Variants in BSN observed in about 807,000 individuals in gnomAD.
BSN encodes the protein bassoon presynaptic cytomatrix protein.
In BSN, 57 loss-of-function variants were observed where a neutral mutation model predicts 264.8. The observed-to-expected ratio is 0.22, with a 90% CI of 0.17 to 0.27. The LOEUF (loss-of-function observed/expected upper bound fraction) is 0.27, where lower values mean the gene tolerates loss of function less well. Among genes scored for constraint, BSN ranks in the 10% least tolerant of loss-of-function variants. The pLI is 1.00. For synonymous variants in BSN, 2,059 were observed against 2,137.3 expected (o/e 0.96, Z 1.01); for missense variants, 4,615 against 5,232.5 (o/e 0.88, Z 3.64).
chr3:49,656,567 A>G lies in BSN; in HGVS notation c.7011A>G (p.Pro2337=). 6.3e-7 allele frequency: 1 copy of G among 1,577,648 alleles called. No individual in the cohort carries two copies. The highest frequency in any genetic ancestry group is 8.6e-7 in the Non-Finnish European group (1 of 1,162,096). The change falls in exon 5 of 12, where the codon CCA becomes CCG. Residue 2337 remains proline, a synonymous_variant. Transcript: ENST00000296452. ...CCCCACTAGCTGGCCAGAAGCCACCAGCAGATGCTGCTCCTGGGGGTGGCA... is the reference window on the plus strand; with the variant it reads ...CCCCACTAGCTGGCCAGAAGCCACCGGCAGATGCTGCTCCTGGGGGTGGCA... The part of the protein sequence containing the change: ...APAPLAGQKP[P]ADAAPGGGSG...
At chr3:49,650,487 G>T in intron 3 of BSN, 125 bp from the exon 4 acceptor site, 1 of 904,322 alleles carries the variant, frequency 1.1e-6, no homozygotes, top group African/African-American at 1.7e-5. Context: ...TTCTCCTTAT[G>T]TCTTTGGTGT....
intron 1 of BSN, among the ~76,000 whole-genome samples, chr3:49,556,782 T>A (rs2051675941): frequency 6.6e-6 from 1 of 152,246 alleles, no homozygotes; most frequent in Non-Finnish European, 1.5e-5. Context: ...TGTTCTAAGA[T>A]GCTGCTGAAC....
At chr3:49,604,781 C>T (rs1438073081) in intron 1 of BSN, among the ~76,000 whole-genome samples, 1 of 151,976 alleles carries the variant, frequency 6.6e-6, no homozygotes, top group Non-Finnish European at 1.5e-5. Flanking sequence ...TCCCATTTCC[C>T]AGGCCTCCCA....
chr3:49,588,749 T>G (rs6787417), intron 1 of BSN, among the ~76,000 whole-genome samples: 73,744 of 152,010 alleles, frequency 0.49, 19,803 homozygotes, highest in East Asian at 0.93. Context: ...AATTTATTTC[T>G]GTTATTGATT....
rs1296576447 is a variant in BSN at position 49,587,922 on chromosome 3, CTTTTCT to C, written c.224+33101_224+33106del. ...CTTTTCTTTTCTTTTCTTTTCTTTT[CTTTTCT>C]TTTTTTTTTTGAGACAAGAGTCTCG... On this transcript the variant is annotated intron_variant, in intron 1 of 11. Coordinates refer to ENST00000296452, the MANE Select transcript of BSN (RefSeq NM_003458.4). Among the ~76,000 whole-genome samples, 108 of 143,876 alleles carry C rather than the reference CTTTTCT, an allele frequency of 7.5e-4. 1 individual carries two copies. Among genetic ancestry groups the C allele is most frequent in the African/African-American group, 2.8e-3 (100 of 36,014 alleles). The allele number at this position is 143,876 out of a possible 152,430, so 94.4% of individuals were successfully genotyped here.
At chr3:49,672,016 T>G (rs1174222238), downstream of BSN, among the ~76,000 whole-genome samples, 1 of 148,254 alleles carries the variant, frequency 6.7e-6, no homozygotes, top group East Asian at 2.0e-4. Flanking sequence ...TCACCCAGAG[T>G]TGCTAGACCT....
chr3:49,644,109 C>T (rs1468050967), intron 3 of BSN, among the ~76,000 whole-genome samples: 1 of 152,184 alleles, frequency 6.6e-6, no homozygotes, highest in Admixed American at 6.5e-5. Context: ...TTGGGCGTAG[C>T]TTGGTGTGTC....
rs1349603383 is a variant in BSN, at chr3:49,668,696, G to A, written c.*1211G>A. On this transcript the variant is annotated 3_prime_UTR_variant, in exon 12 of 12. Coordinates refer to ENST00000296452, the MANE Select transcript of BSN (RefSeq NM_003458.4). ...AGCAGAGGGGCCAGGACTTCTGCCA[G>A]CCAAGGGAAAGGCCCAGAGCCCTGT... 2 of 152,662 alleles carry A rather than the reference G, an allele frequency of 1.3e-5. No homozygotes were observed. The highest frequency in any genetic ancestry group is 2.9e-5 in the Non-Finnish European group (2 of 68,066). 9.5% of individuals were successfully genotyped at this position (152,662 alleles called of 1,614,324 possible). A position where few individuals can be genotyped will look rare whatever the true frequency, so the allele number is the denominator to read the frequency against.
chr3:49,644,542 C>A (rs2052491644), intron 3 of BSN, among the ~76,000 whole-genome samples: 1 of 152,218 alleles, frequency 6.6e-6, no homozygotes, highest in Non-Finnish European at 1.5e-5. Context: ...GAAGCCAACT[C>A]TCCAAGCTCT....
chr3:49,630,243 G>A (rs190052820), intron 2 of BSN, among the ~76,000 whole-genome samples: 30 of 152,342 alleles, frequency 2.0e-4, no homozygotes, highest in Non-Finnish European at 4.1e-4. Flanking sequence ...ACTGAGGGGA[G>A]GTAAAGGTGT....
chr3:49,586,246 A>G (rs146434662), intron 1 of BSN, among the ~76,000 whole-genome samples: 3 of 152,206 alleles, frequency 2.0e-5, no homozygotes, highest in African/African-American at 7.2e-5. Context: ...TCCTTAATCC[A>G]TTTTGATTTT....
Position 49,651,704 on chromosome 3 carries a change from A to G in BSN, c.2148A>G (p.Pro716=), listed in dbSNP as rs755560616. Residue 716 remains proline, a synonymous_variant, in exon 5 of 12, where the codon CCA becomes CCG. Transcript: ENST00000296452. The surrounding 1 kb of genome is among the most constrained non-coding windows in gnomAD (Gnocchi z 5.4). ...EQLDSAGVTG[P]HPPSPSEIHK... is the part of the protein sequence containing the mutation. ...TGGACAGTGCAGGGGTGACAGGGCC[A>G]CATCCACCCAGCCCCTCCGAGATCC... is the stretch of plus-strand genomic sequence containing the variant. 6.2e-7 allele frequency: 1 copy of G among 1,612,874 alleles called. No homozygotes were observed. The highest frequency in any genetic ancestry group is 8.5e-7 in the Non-Finnish European group (1 of 1,179,590).
intron 5 of BSN, among the ~76,000 whole-genome samples, chr3:49,659,855 G>C (rs1364440996): frequency 9.9e-5 from 15 of 152,192 alleles, no homozygotes. Context: ...GCACAGCCCA[G>C]AGGGTTTGGC....
Position 49,667,989 on chromosome 3 carries a change from G to C in BSN, c.*504G>C, listed in dbSNP as rs906530646. 6.5e-6 allele frequency: 1 copy of C among 152,680 alleles called. No individual in the cohort carries two copies. The highest frequency in any genetic ancestry group is 1.5e-5 in the Non-Finnish European group (1 of 68,078). 9.5% of individuals were successfully genotyped at this position (152,680 alleles called of 1,614,324 possible). A position where few individuals can be genotyped will look rare whatever the true frequency, so the allele number is the denominator to read the frequency against. ...GAGAGGGGCTTTGACTGAGGGCTGG[G>C]GGCCCTGGGCTCCGTTTCCTTCACA... On this transcript the variant is annotated 3_prime_UTR_variant, in exon 12 of 12. Transcript: ENST00000296452.
chr3:49,578,567 C>T (rs1254550495), intron 1 of BSN, among the ~76,000 whole-genome samples: 1 of 151,330 alleles, frequency 6.6e-6, no homozygotes. Flanking sequence ...ACCACCTTGC[C>T]CGGCCAATTT....
intron 1 of BSN, among the ~76,000 whole-genome samples, chr3:49,618,753 G>C (rs1337210163): frequency 1.3e-5 from 2 of 152,188 alleles, no homozygotes; most frequent in African/African-American, 4.8e-5. Context: ...TTAAGACCCA[G>C]TTTAAATGTC....
chr3:49,560,844 T>C (rs1158129422), intron 1 of BSN, among the ~76,000 whole-genome samples: 1 of 152,156 alleles, frequency 6.6e-6, no homozygotes, highest in Non-Finnish European at 1.5e-5. Flanking sequence ...TCTGTACAGA[T>C]CGGGCTTCTA....
chr3:49,570,272 A>G (rs1042265263), intron 1 of BSN, among the ~76,000 whole-genome samples: 3 of 152,182 alleles, frequency 2.0e-5, no homozygotes, highest in Non-Finnish European at 2.9e-5. Context: ...GGGAGCTATG[A>G]TGCAGGCTAA....
At chr3:49,566,410 A>C (rs948191600) in intron 1 of BSN, among the ~76,000 whole-genome samples, 5 of 152,146 alleles carry the variant, frequency 3.3e-5, no homozygotes, top group Non-Finnish European at 7.4e-5. Context: ...TGGAAAGAAC[A>C]CTTCATTGGT....
Sources: allele counts gnomAD v4.1 joint callset (sites outside exome capture counted in the v4.1 genomes callset), GRCh38; gene constraint gnomAD v4.1.1; non-coding constraint Gnocchi (gnomAD v3.1); transcripts MANE v1.5; gene names NCBI Gene and HGNC (gene_info 2026-07-23, HGNC 2026-07-21).